The following VAV3 variants were observed in gnomAD, a reference collection of about 807,000 sequenced individuals.
The protein encoded by VAV3 is vav guanine nucleotide exchange factor 3, also known as guanine nucleotide exchange factor VAV3.
Under a neutral mutation model 131.2 loss-of-function variants are expected in VAV3, and 94 were observed. The observed-to-expected ratio is 0.72, with a 90% CI of 0.61 to 0.85. VAV3 has a LOEUF of 0.85. Among genes scored for constraint, VAV3 ranks in the 40% least tolerant of loss-of-function variants. The pLI, the probability that VAV3 is intolerant of heterozygous loss-of-function variation, is 0.00. For missense variants in VAV3, 939 were observed against 1,002.7 expected, an observed-to-expected ratio of 0.94 and a Z score of 0.86; for synonymous variants, 349 against 342.0, an observed-to-expected ratio of 1.02 and a Z score of -0.22.
chr1:107,749,911 A>C (rs1318290523), intron 13 of VAV3, among the ~76,000 whole-genome samples: 1 of 152,196 alleles, frequency 6.6e-6, no homozygotes, highest in Non-Finnish European at 1.5e-5. Context: ...ATGAGCAATT[A>C]TCTTTTTTAA....
At chr1:107,773,366 G>A (rs897737099) in intron 4 of VAV3, among the ~76,000 whole-genome samples, 1 of 152,136 alleles carries the variant, frequency 6.6e-6, no homozygotes, top group Non-Finnish European at 1.5e-5. Flanking sequence ...GGAGAAGATA[G>A]GAGAGTTAAA....
intron 1 of VAV3, among the ~76,000 whole-genome samples, chr1:107,882,354 T>C (rs775153999): frequency 6.6e-6 from 1 of 152,126 alleles, no homozygotes; most frequent in African/African-American, 2.4e-5. Context: ...GGCCCTGAAT[T>C]TGAGGGTCTG....
intron 2 of VAV3, among the ~76,000 whole-genome samples, chr1:107,782,957 TC>T (rs1474273537): frequency 3.3e-5 from 5 of 152,174 alleles, no homozygotes; most frequent in Non-Finnish European, 5.9e-5. Flanking sequence ...ATACATTAAC[TC>T]CCAGAAACAG....
In VAV3 at chr1:107,602,391, G is replaced by C. The variant is rs778912131; in HGVS notation, c.2220+6C>G. 6.5e-7 allele frequency: 1 copy of C among 1,529,856 alleles called. No homozygotes were observed. Among genetic ancestry groups the C allele is most frequent in the Non-Finnish European group, 8.8e-7 (1 of 1,132,074 alleles). 94.8% of individuals were successfully genotyped at this position (1,529,856 alleles called of 1,614,324 possible). Reference sequence around the variant, plus strand: ...CCCAGATTGAAAAGAAATAATCAATGCTTACCATTAAACTTTTAAATTTTC... The same window carrying C: ...CCCAGATTGAAAAGAAATAATCAATCCTTACCATTAAACTTTTAAATTTTC... On this transcript the variant is annotated splice_donor_region_variant and intron_variant, in intron 24 of 26. Coordinates refer to ENST00000370056, the MANE Select transcript of VAV3 (RefSeq NM_006113.5).
intron 10 of VAV3, among the ~76,000 whole-genome samples, chr1:107,758,411 A>T (rs749912343): frequency 6.6e-6 from 1 of 152,152 alleles, no homozygotes; most frequent in Non-Finnish European, 1.5e-5. Flanking sequence ...CTCTACAAAA[A>T]AAAATTAAAA....
intron 17 of VAV3, among the ~76,000 whole-genome samples, chr1:107,700,500 T>C (rs1456769648): frequency 1.3e-5 from 2 of 152,294 alleles, no homozygotes; most frequent in South Asian, 4.1e-4. Flanking sequence ...CCCCTCCCTG[T>C]GTCCATGTGT....
intron 11 of VAV3, among the ~76,000 whole-genome samples, chr1:107,757,037 TA>T (rs59567980): frequency 1.2e-3 from 168 of 144,792 alleles, no homozygotes; most frequent in Admixed American, 2.2e-3. Context: ...ACTATTCCAG[TA>T]AAAAAAAAAA....
intron 24 of VAV3, among the ~76,000 whole-genome samples, chr1:107,596,553 T>G (rs1651406733): frequency 6.6e-6 from 1 of 151,970 alleles, no homozygotes. Flanking sequence ...AGGCCATTAA[T>G]AATATGAGTT....
intron 2 of VAV3, among the ~76,000 whole-genome samples, chr1:107,853,752 T>G (rs1428372309): frequency 6.6e-6 from 1 of 152,218 alleles, no homozygotes; most frequent in Non-Finnish European, 1.5e-5. Flanking sequence ...CAACATTCTA[T>G]TTCCTAAACA....
intron 1 of VAV3, among the ~76,000 whole-genome samples, chr1:107,925,667 T>C (rs1321905654): frequency 6.6e-6 from 1 of 151,996 alleles, no homozygotes; most frequent in African/African-American, 2.4e-5. Flanking sequence ...TGGCTGTCAA[T>C]GGCTAGGGGA....
intron 20 of VAV3, among the ~76,000 whole-genome samples, chr1:107,624,791 AG>A (rs1376041320): frequency 6.6e-6 from 1 of 152,230 alleles, no homozygotes; most frequent in African/African-American, 2.4e-5. Context: ...TTTAAAGAAA[AG>A]TTTATTGACT....
intron 1 of VAV3, among the ~76,000 whole-genome samples, chr1:107,949,712 T>G (rs983943241): frequency 2.6e-5 from 4 of 152,178 alleles, no homozygotes; most frequent in African/African-American, 9.7e-5. Flanking sequence ...ATTGCTATAT[T>G]TTACAGAATC....
intron 20 of VAV3, 26 bp downstream of exon 20, chr1:107,642,593 G>C: frequency 6.2e-7 from 1 of 1,609,630 alleles, no homozygotes; most frequent in Non-Finnish European, 8.5e-7. Context: ...GTCTGCATCA[G>C]GACCCCTTTC....
chr1:107,896,476 T>C (rs986641446), intron 1 of VAV3, among the ~76,000 whole-genome samples: 1 of 152,224 alleles, frequency 6.6e-6, no homozygotes, highest in Non-Finnish European at 1.5e-5. Context: ...TGTTCTGTGT[T>C]AGTGACTTTA....
At chr1:107,602,695 T>C (rs1460259463) in intron 23 of VAV3, among the ~76,000 whole-genome samples, 2 of 151,920 alleles carry the variant, frequency 1.3e-5, no homozygotes, top group Non-Finnish European at 2.9e-5. Context: ...AGAAGGGAGG[T>C]TGGATTTGAC....
intron 15 of VAV3, among the ~76,000 whole-genome samples, chr1:107,734,745 C>T (rs1008839320): frequency 2.0e-5 from 3 of 152,068 alleles, no homozygotes; most frequent in African/African-American, 4.8e-5. Context: ...ACTTAGACTC[C>T]CACACAACAA....
At chr1:107,845,870 C>A (rs1668943259) in intron 2 of VAV3, among the ~76,000 whole-genome samples, 1 of 152,096 alleles carries the variant, frequency 6.6e-6, no homozygotes, top group Admixed American at 6.6e-5. Context: ...AGTTCAAAAC[C>A]ACACTTCAGG....
chr1:107,653,796 C>T (rs1656346440), intron 19 of VAV3, among the ~76,000 whole-genome samples: 1 of 152,038 alleles, frequency 6.6e-6, no homozygotes, highest in African/African-American at 2.4e-5. Flanking sequence ...CCTTTAAATT[C>T]CCTTTCCCTG....
At chr1:107,606,443 G>A (rs566614735) in intron 22 of VAV3, among the ~76,000 whole-genome samples, 1 of 152,058 alleles carries the variant, frequency 6.6e-6, no homozygotes, top group Non-Finnish European at 1.5e-5. Flanking sequence ...CCTTTCAGAA[G>A]TATCTTCAAT....
Sources: gnomAD v4.1 joint callset for allele counts (sites outside exome capture counted in the v4.1 genomes callset) on GRCh38, gnomAD v4.1.1 for gene constraint, MANE v1.5 for transcripts, NCBI Gene and HGNC (gene_info 2026-07-23, HGNC 2026-07-21) for gene names.